Variants in PDE4D observed in about 807,000 individuals in gnomAD.
PDE4D encodes the protein 3',5'-cyclic-AMP phosphodiesterase 4D.
PDE4D carries 24 observed loss-of-function variants against 87.4 expected under a neutral mutation model. That is an observed-to-expected ratio of 0.27 (90% confidence interval 0.20 to 0.39). The LOEUF is 0.39. Ranked by LOEUF, PDE4D falls within the 10% of genes least tolerant of loss-of-function variation. The pLI is 1.00. For synonymous variants in PDE4D, 384 were observed against 383.2 expected (o/e 1.00, Z -0.02); for missense variants, 714 against 1,041.0 (o/e 0.69, Z 4.32).
intron 1 of PDE4D, among the ~76,000 whole-genome samples, chr5:59,733,032 A>T (rs1440377540): frequency 6.6e-6 from 1 of 152,162 alleles, no homozygotes; most frequent in African/African-American, 2.4e-5. Context: ...GAAATTGCAC[A>T]ATGGAGAATT....
At chr5:60,303,933 T>C (rs1754184900) in intron 1 of PDE4D, 1 of 152,208 alleles carries the variant, frequency 6.6e-6, no homozygotes, top group African/African-American at 2.4e-5. Context: ...AGTCTGTCTC[T>C]TTGTAAGTCT....
At chr5:59,511,692 A>T (rs1187872484) in intron 1 of PDE4D, among the ~76,000 whole-genome samples, 1 of 152,080 alleles carries the variant, frequency 6.6e-6, no homozygotes, top group Non-Finnish European at 1.5e-5. Flanking sequence ...TCACTTTGAT[A>T]AATATGAAAA....
At chr5:59,968,991 A>ACC (rs200411404) in intron 3 of PDE4D, among the ~76,000 whole-genome samples, 40 of 120,998 alleles carry the variant, frequency 3.3e-4, no homozygotes, top group East Asian at 1.3e-3. Flanking sequence ...AAGAAAAGGC[A>ACC]CCCCCCCCCC....
At chr5:60,254,395 A>G (rs1341727383) in intron 1 of PDE4D, among the ~76,000 whole-genome samples, 6 of 151,976 alleles carry the variant, frequency 3.9e-5, no homozygotes, top group Admixed American at 3.9e-4. Context: ...TATCTTGTCC[A>G]GCCCCTGCCT....
rs1164092002 is a variant in PDE4D at position 60,382,715 on chromosome 5, C to T, written c.-90+105227G>A. Among the ~76,000 whole-genome samples, 5 of 152,130 alleles carry T rather than the reference C, an allele frequency of 3.3e-5. No homozygotes were observed. The East Asian group carries it at 9.6e-4, about 29-fold the overall frequency. On this transcript the variant is annotated intron_variant, in intron 1 of 16. Coordinates refer to the PDE4D transcript ENST00000502484. ...AAGTTTTAGAAAATACTGGATCTGC[C>T]TTCACTTTTCGTTTTCATTTTCTTA...
chr5:60,041,453 T>C (rs924037979), intron 2 of PDE4D, among the ~76,000 whole-genome samples: 1 of 152,164 alleles, frequency 6.6e-6, no homozygotes, highest in African/African-American at 2.4e-5. Context: ...ACTTGTAATA[T>C]GGTATACAGT....
intron 1 of PDE4D, among the ~76,000 whole-genome samples, chr5:59,477,816 A>G (rs886500657): frequency 3.9e-5 from 6 of 152,114 alleles, no homozygotes; most frequent in Non-Finnish European, 7.4e-5. Flanking sequence ...GGTGGTTTGG[A>G]TAAAGAAAAT....
At chr5:60,264,034 A>G (rs190408602) in intron 1 of PDE4D, among the ~76,000 whole-genome samples, 1 of 152,040 alleles carries the variant, frequency 6.6e-6, no homozygotes, top group African/African-American at 2.4e-5. Context: ...ACTAAAAGGG[A>G]TTTCTGAAAA....
intron 1 of PDE4D, among the ~76,000 whole-genome samples, chr5:59,755,446 T>A (rs1761083563): frequency 6.6e-6 from 1 of 152,154 alleles, no homozygotes; most frequent in African/African-American, 2.4e-5. Flanking sequence ...GTAAACAGTA[T>A]AAATGGCCCA....
At chr5:59,793,794 T>G (rs893284272) in intron 1 of PDE4D, among the ~76,000 whole-genome samples, 4 of 152,224 alleles carry the variant, frequency 2.6e-5, no homozygotes, top group African/African-American at 9.6e-5. Context: ...AATGGCTTTT[T>G]TAATGTAAGA....
At chr5:59,654,677 C>T (rs569845004) in intron 1 of PDE4D, among the ~76,000 whole-genome samples, 2 of 152,132 alleles carry the variant, frequency 1.3e-5, no homozygotes, top group African/African-American at 2.4e-5. Flanking sequence ...CCTCCATTAA[C>T]ACAATTTAGA....
intron 3 of PDE4D, among the ~76,000 whole-genome samples, chr5:59,970,253 C>T (rs1045623459): frequency 3.3e-5 from 5 of 152,044 alleles, no homozygotes; most frequent in African/African-American, 1.2e-4. Context: ...CCATAAAAAC[C>T]CTAGAAGAAA....
chr5:59,479,388 T>C (rs1386615870), intron 1 of PDE4D, among the ~76,000 whole-genome samples: 1 of 152,064 alleles, frequency 6.6e-6, no homozygotes, highest in Non-Finnish European at 1.5e-5. Context: ...TCCAGATAAA[T>C]AAATAACTAG....
chr5:59,739,488 T>G (rs1187085857), intron 1 of PDE4D, among the ~76,000 whole-genome samples: 1 of 152,194 alleles, frequency 6.6e-6, no homozygotes, highest in Non-Finnish European at 1.5e-5. Context: ...GACACTAATG[T>G]ACAATTCACA....
chr5:60,351,272 A>G (rs1759164860), intron 1 of PDE4D, among the ~76,000 whole-genome samples: 1 of 152,156 alleles, frequency 6.6e-6, no homozygotes, highest in Non-Finnish European at 1.5e-5. Context: ...TTGCCCACTA[A>G]ATATCCACTC....
chr5:60,291,678 T>TA (rs1752908188), intron 1 of PDE4D, among the ~76,000 whole-genome samples: 1 of 151,224 alleles, frequency 6.6e-6, no homozygotes, highest in Middle Eastern at 3.2e-3. Context: ...ATTCTATTTA[T>TA]AAAAAACAAA....
intron 1 of PDE4D, among the ~76,000 whole-genome samples, chr5:59,812,919 G>A (rs1368777430): frequency 2.0e-5 from 3 of 152,174 alleles, no homozygotes; most frequent in Non-Finnish European, 4.4e-5. Context: ...AAGGGGAACC[G>A]TTCCCCAAAT....
At chr5:59,203,290 T>C (rs547403451) in intron 2 of PDE4D, among the ~76,000 whole-genome samples, 15 of 151,414 alleles carry the variant, frequency 9.9e-5, no homozygotes, top group African/African-American at 2.7e-4. Flanking sequence ...CATGATGAGA[T>C]ATCACCTGAC....
At chr5:59,375,876 G>A (rs572099101) in intron 1 of PDE4D, among the ~76,000 whole-genome samples, 1 of 152,254 alleles carries the variant, frequency 6.6e-6, no homozygotes, top group Non-Finnish European at 1.5e-5. Context: ...TGCAAGGTTG[G>A]TTCAACATAT....
Sources: gnomAD v4.1 joint callset for allele counts (sites outside exome capture counted in the v4.1 genomes callset) on GRCh38, gnomAD v4.1.1 for gene constraint, MANE v1.5 for transcripts, NCBI Gene and HGNC (gene_info 2026-07-23, HGNC 2026-07-21) for gene names.